Variants in UNC13C observed in about 807,000 individuals in gnomAD.
UNC13C encodes the protein protein unc-13 homolog C.
In UNC13C, 174 loss-of-function variants were observed where a neutral mutation model predicts 245.4. The ratio of observed to expected loss-of-function variants is 0.71; its 90% CI spans 0.63 to 0.80. The LOEUF (loss-of-function observed/expected upper bound fraction) is 0.80, where lower values mean the gene tolerates loss of function less well. Among genes scored for constraint, UNC13C ranks in the 30% least tolerant of loss-of-function variants. The pLI is 0.00. For synonymous variants in UNC13C, 992 were observed against 895.1 expected (o/e 1.11, Z -1.93); for missense variants, 2,829 against 2,602.9 (o/e 1.09, Z -1.89).
chr15:54,574,664 C>T (rs563794164), intron 30 of UNC13C, among the ~76,000 whole-genome samples: 3 of 152,204 alleles, frequency 2.0e-5, no homozygotes, highest in South Asian at 2.1e-4. Flanking sequence ...ATAGAAGTTA[C>T]AACAGTTCCA....
the UNC13C span, among the ~76,000 whole-genome samples, chr15:53,923,682 C>T: frequency 3.9e-5 from 6 of 152,286 alleles, no homozygotes; most frequent in African/African-American, 7.2e-5. Flanking sequence ...GAGATGAGTG[C>T]ACAGAGAGCA....
intron 30 of UNC13C, among the ~76,000 whole-genome samples, chr15:54,595,285 TCTC>T (rs1212227201): frequency 6.6e-6 from 1 of 151,994 alleles, no homozygotes; most frequent in Non-Finnish European, 1.5e-5. Flanking sequence ...AGGAGACTTT[TCTC>T]CTCAGAGGCC....
In UNC13C at chr15:54,014,692, C is replaced by T. The variant is rs773014396; in HGVS notation, c.1789C>T (p.Leu597=). The change falls in exon 2 of 33, where the codon CTG becomes TTG. Residue 597 remains leucine (L), a synonymous_variant. Transcript: ENST00000260323. ...GAGGAAACAGGAAGGAACAGCGACC[C>T]TGTATGACAGTCCCAAGGACCAGCA... The part of the protein sequence containing the change: ...WQRKQEGTAT[L]YDSPKDQHLN... The T allele has an allele frequency of 6.2e-7, 1 of 1,613,740 alleles. No homozygotes were observed. Among genetic ancestry groups the T allele is most frequent in the Non-Finnish European group, 8.5e-7 (1 of 1,179,838 alleles).
At chr15:54,442,601 T>C (rs960872921) in intron 19 of UNC13C, among the ~76,000 whole-genome samples, 1 of 152,112 alleles carries the variant, frequency 6.6e-6, no homozygotes, top group African/African-American at 2.4e-5. Flanking sequence ...ATAGTCCTTA[T>C]TATGTTGAGT....
intron 23 of UNC13C, 43 bp downstream of exon 23, chr15:54,507,237 G>A (rs997826839): frequency 7.7e-7 from 1 of 1,296,502 alleles, no homozygotes; most frequent in Non-Finnish European, 1.1e-6. Flanking sequence ...TCTCAGTTGA[G>A]ATTTACTTCT....
chr15:54,599,375 C>A lies in UNC13C; in HGVS notation c.6107-22952C>A, dbSNP rs536715328. ...TGAACAATTTCTTCTGCATTTGATG[C>A]CTTTTTGCTTTCTTTTCCTTTGAGT... On this transcript the variant is annotated intron_variant, in intron 30 of 32. Coordinates refer to ENST00000260323, the MANE Select transcript of UNC13C (RefSeq NM_001080534.3). 7.5e-4 allele frequency among the ~76,000 whole-genome samples: 114 copies of A among 152,182 alleles called. 1 individual carries two copies. Among genetic ancestry groups the A allele is most frequent in the African/African-American group, 2.6e-3 (109 of 41,542 alleles).
intron 2 of UNC13C, among the ~76,000 whole-genome samples, chr15:54,091,067 T>C (rs1233459610): frequency 1.4e-5 from 1 of 69,630 alleles, no homozygotes; most frequent in Non-Finnish European, 3.1e-5. Flanking sequence ...CTGGGCGGGG[T>C]GGGGGGAGGG....
At chr15:54,065,388 C>T (rs1327614746) in intron 2 of UNC13C, among the ~76,000 whole-genome samples, 1 of 152,174 alleles carries the variant, frequency 6.6e-6, no homozygotes, top group African/African-American at 2.4e-5. Flanking sequence ...TTCACCGTTT[C>T]CTCACTGCAC....
At chr15:53,893,896 G>A in the UNC13C span, among the ~76,000 whole-genome samples, 1 of 152,136 alleles carries the variant, frequency 6.6e-6, no homozygotes, top group African/African-American at 2.4e-5. Context: ...GTACCACTGG[G>A]GTTTGGAAAA....
At chr15:54,331,007 A>C (rs186226527) in intron 14 of UNC13C, among the ~76,000 whole-genome samples, 180 of 152,112 alleles carry the variant, frequency 1.2e-3, no homozygotes, top group Non-Finnish European at 2.2e-3. Context: ...TCAGCTTAGG[A>C]ACAATTTGTC....
chr15:54,587,063 A>C (rs17818601), intron 30 of UNC13C, among the ~76,000 whole-genome samples: 472 of 152,288 alleles, frequency 3.1e-3, no homozygotes, highest in Admixed American at 7.4e-3. Flanking sequence ...CTACCCAGAT[A>C]ATGTTTTTCC....
At chr15:54,100,216 C>G (rs1900094575) in intron 2 of UNC13C, among the ~76,000 whole-genome samples, 1 of 151,736 alleles carries the variant, frequency 6.6e-6, no homozygotes, top group African/African-American at 2.4e-5. Flanking sequence ...GTTGTCTCTA[C>G]TTCTTCACTT....
At chr15:53,876,354 T>G in the UNC13C span, among the ~76,000 whole-genome samples, 1 of 152,298 alleles carries the variant, frequency 6.6e-6, no homozygotes, top group East Asian at 1.9e-4. Flanking sequence ...GACCTTCTCA[T>G]TTCAATATTA....
At chr15:54,484,476 C>T (rs1376604766) in intron 19 of UNC13C, among the ~76,000 whole-genome samples, 3 of 152,062 alleles carry the variant, frequency 2.0e-5, no homozygotes. Flanking sequence ...AAATGGCATA[C>T]AGAGAAAGGA....
At position 54,532,903 on chromosome 15, in the gene UNC13C, T is replaced by G. The variant is rs184853988; in HGVS notation, c.5547-14T>G. 2.4e-5 allele frequency: 35 copies of G among 1,453,328 alleles called. No individual in the cohort carries two copies. In the Admixed American group the frequency reaches 4.8e-4, roughly 20 times the overall value. The allele number at this position is 1,453,328 out of a possible 1,614,324, so 90.0% of individuals were successfully genotyped here. ...GTATTCTTATATTTTAGAATTTATA[T>G]TCTTTATTTTTAGTTTCCAGGTTAT... On this transcript the variant is annotated splice_polypyrimidine_tract_variant and intron_variant, in intron 25 of 32. Transcript: ENST00000260323.
intron 18 of UNC13C, among the ~76,000 whole-genome samples, chr15:54,408,074 G>A (rs532844582): frequency 4.6e-5 from 7 of 151,402 alleles, no homozygotes; most frequent in East Asian, 3.9e-4. Flanking sequence ...GGTGGCGGGC[G>A]CCTGTAGTCC....
At chr15:54,297,008 G>A (rs758401519) in intron 11 of UNC13C, among the ~76,000 whole-genome samples, 9 of 152,194 alleles carry the variant, frequency 5.9e-5, no homozygotes, top group Non-Finnish European at 1.3e-4. Context: ...AGTTAGCCTA[G>A]GGTATAGACT....
At chr15:54,295,223 C>A (rs935635539) in intron 11 of UNC13C, among the ~76,000 whole-genome samples, 2 of 152,128 alleles carry the variant, frequency 1.3e-5, no homozygotes, top group African/African-American at 2.4e-5. Flanking sequence ...GGAACATTCA[C>A]AAATTATTTC....
chr15:53,910,477 T>C, the UNC13C span, among the ~76,000 whole-genome samples: 3 of 146,842 alleles, frequency 2.0e-5, 1 homozygote, highest in African/African-American at 7.3e-5. Context: ...CTGTTGACAC[T>C]GTGCACAAGA....
Sources: allele counts gnomAD v4.1 joint callset (sites outside exome capture counted in the v4.1 genomes callset), GRCh38; gene constraint gnomAD v4.1.1; transcripts MANE v1.5; gene names NCBI Gene and HGNC (gene_info 2026-07-23, HGNC 2026-07-21).